Variants in LYPLAL1 observed in about 807,000 individuals in gnomAD.
LYPLAL1 encodes lysophospholipase-like protein 1.
In LYPLAL1, 23 loss-of-function variants were observed where a neutral mutation model predicts 19.7. The ratio of observed to expected loss-of-function variants is 1.17; its 90% CI spans 0.84 to 1.65. The LOEUF (loss-of-function observed/expected upper bound fraction) is 1.65, where lower values mean the gene tolerates loss of function less well. Ranked by LOEUF, LYPLAL1 falls within the 40% of genes most tolerant of loss-of-function variation. LYPLAL1 has a pLI of 0.00. For synonymous variants in LYPLAL1, 119 were observed against 96.3 expected (o/e 1.24, Z -1.38); for missense variants, 355 against 279.4 (o/e 1.27, Z -1.93).
At chr1:219,208,346 A>G (rs1658736250) in intron 3 of LYPLAL1, among the ~76,000 whole-genome samples, 2 of 152,154 alleles carry the variant, frequency 1.3e-5, no homozygotes, top group African/African-American at 2.4e-5. Flanking sequence ...TTGTTTTACT[A>G]TAAATGAAAT....
chr1:219,174,352 C>G, intron 1 of LYPLAL1: 2 of 1,033,444 alleles, frequency 1.9e-6, no homozygotes, highest in Non-Finnish European at 2.4e-6. Flanking sequence ...TCATTATCAG[C>G]TACTAGTGAT....
At chr1:219,242,281 G>A in the LYPLAL1 span, among the ~76,000 whole-genome samples, 1 of 152,166 alleles carries the variant, frequency 6.6e-6, no homozygotes, top group African/African-American at 2.4e-5. Flanking sequence ...GAGAAACCAT[G>A]AAGATGGACT....
the LYPLAL1 span, among the ~76,000 whole-genome samples, chr1:219,264,485 T>C: frequency 2.0e-5 from 3 of 152,218 alleles, no homozygotes; most frequent in Non-Finnish European, 4.4e-5. Context: ...AATAACTTCA[T>C]AGATTTTCCA....
the LYPLAL1 span, among the ~76,000 whole-genome samples, chr1:219,227,939 C>G: frequency 6.6e-6 from 1 of 152,108 alleles, no homozygotes; most frequent in African/African-American, 2.4e-5. Context: ...GTTGAGTAAG[C>G]CTAGAGCCCT....
chr1:219,420,140 GA>G, the LYPLAL1 span, among the ~76,000 whole-genome samples: 1 of 152,196 alleles, frequency 6.6e-6, no homozygotes, highest in Non-Finnish European at 1.5e-5. Context: ...CTGAGGAAAG[GA>G]ATTGACTTGT....
At chr1:219,250,936 T>C in the LYPLAL1 span, among the ~76,000 whole-genome samples, 1 of 152,090 alleles carries the variant, frequency 6.6e-6, no homozygotes, top group Non-Finnish European at 1.5e-5. Context: ...TGTATAAGTG[T>C]TGCCTTTTCT....
chr1:219,206,147 C>T (rs1477796817), intron 3 of LYPLAL1, among the ~76,000 whole-genome samples: 1 of 151,722 alleles, frequency 6.6e-6, no homozygotes, highest in Non-Finnish European at 1.5e-5. Context: ...CTTAATGTTC[C>T]TAATATAGTC....
intron 2 of LYPLAL1, among the ~76,000 whole-genome samples, chr1:219,183,760 A>C (rs887914706): frequency 6.6e-6 from 1 of 151,922 alleles, no homozygotes. Flanking sequence ...GTGTGTATCA[A>C]TAGTTCAATT....
the LYPLAL1 span, among the ~76,000 whole-genome samples, chr1:219,389,074 A>C: frequency 6.6e-6 from 1 of 152,166 alleles, no homozygotes; most frequent in South Asian, 2.1e-4. Flanking sequence ...TTTTAAATGC[A>C]TTTGGTATAA....
chr1:219,226,589 T>C, the LYPLAL1 span, among the ~76,000 whole-genome samples: 3 of 136,262 alleles, frequency 2.2e-5, no homozygotes, highest in African/African-American at 7.9e-5. Context: ...GAATAACACA[T>C]AGAAAAAAAA....
At chr1:219,402,591 C>G in the LYPLAL1 span, among the ~76,000 whole-genome samples, 2 of 146,710 alleles carry the variant, frequency 1.4e-5, no homozygotes, top group African/African-American at 2.5e-5. Flanking sequence ...TTAAAAATAA[C>G]TGGATTGTAT....
chr1:219,191,912 G>T (rs945209081), intron 2 of LYPLAL1, among the ~76,000 whole-genome samples: 1 of 151,312 alleles, frequency 6.6e-6, no homozygotes, highest in Non-Finnish European at 1.5e-5. Flanking sequence ...CCCCGTATAT[G>T]AATTTTTGTT....
the LYPLAL1 span, among the ~76,000 whole-genome samples, chr1:219,437,912 G>A: frequency 2.0e-5 from 3 of 151,836 alleles, no homozygotes; most frequent in South Asian, 2.1e-4. Context: ...GATTACAGGC[G>A]CCCACCACCA....
Position 219,179,212 on chromosome 1 carries a change from C to A in LYPLAL1, c.157C>A (p.His53Asn). 1 of 1,612,326 alleles carries A rather than the reference C, an allele frequency of 6.2e-7. No individual in the cohort carries two copies. The highest frequency in any genetic ancestry group is 8.5e-7 in the Non-Finnish European group (1 of 1,179,094). The change falls in exon 2 of 5, where the codon CAC (histidine) becomes AAC (asparagine). Residue 53 changes from histidine to asparagine, a missense_variant. Transcript: ENST00000366928. Reference protein sequence around the residue: ...QVLNQDLTFQHIKIIYPTAPP... With the variant: ...QVLNQDLTFQNIKIIYPTAPP... Reference sequence around the variant, plus strand: ...TTTAAATCAAGATTTAACATTCCAACACATAAAAATTATTTATCCAACAGC... The same window carrying A: ...TTTAAATCAAGATTTAACATTCCAAAACATAAAAATTATTTATCCAACAGC...
the LYPLAL1 span, chr1:219,222,722 T>A: frequency 1.3e-5 from 2 of 152,160 alleles, no homozygotes; most frequent in Admixed American, 1.3e-4. Flanking sequence ...TTAACTGTCT[T>A]AGTCTGTTCC....
chr1:219,307,840 C>T, the LYPLAL1 span, among the ~76,000 whole-genome samples: 84 of 152,204 alleles, frequency 5.5e-4, 1 homozygote, highest in African/African-American at 1.9e-3. Flanking sequence ...TTCTTGCCGC[C>T]GCCATGTAAG....
At chr1:219,289,002 T>C in the LYPLAL1 span, among the ~76,000 whole-genome samples, 5 of 151,954 alleles carry the variant, frequency 3.3e-5, no homozygotes, top group African/African-American at 1.2e-4. Context: ...TTAATACATC[T>C]GGATGATAAA....
At chr1:219,276,231 A>G in the LYPLAL1 span, among the ~76,000 whole-genome samples, 3 of 152,106 alleles carry the variant, frequency 2.0e-5, no homozygotes, top group Non-Finnish European at 4.4e-5. Context: ...TTTGGTGACA[A>G]TTTTCTGTGA....
chr1:219,306,696 G>A, the LYPLAL1 span, among the ~76,000 whole-genome samples: 48,438 of 150,416 alleles, frequency 0.32, 8,242 homozygotes, highest in East Asian at 0.61. Context: ...AATTATGTGA[G>A]CCAAATCCTT....
Sources: gnomAD v4.1 joint callset for allele counts (sites outside exome capture counted in the v4.1 genomes callset) on GRCh38, gnomAD v4.1.1 for gene constraint, MANE v1.5 for transcripts, NCBI Gene and HGNC (gene_info 2026-07-23, HGNC 2026-07-21) for gene names.